The following KYAT1 variants were observed in gnomAD, a reference collection of about 807,000 sequenced individuals.
The protein encoded by KYAT1 is kynurenine--oxoglutarate transaminase 1.
A neutral mutation model predicts 52.4 loss-of-function variants in KYAT1; 47 were observed. That is an observed-to-expected ratio of 0.90 (90% CI 0.71 to 1.14). KYAT1 has a LOEUF of 1.14. Among genes scored for constraint, KYAT1 ranks in the 50% most tolerant of loss-of-function variants. The pLI is 0.00. For missense variants in KYAT1, 480 were observed against 557.9 expected, an observed-to-expected ratio of 0.86 and a Z score of 1.41; for synonymous variants, 212 against 209.6, an observed-to-expected ratio of 1.01 and a Z score of -0.10.
rs1830444492 is a variant in KYAT1 at position 128,833,360 on chromosome 9, G to C, written c.*224C>G. On this transcript the variant is annotated 3_prime_UTR_variant, in exon 13 of 13. Coordinates refer to ENST00000302586, the MANE Select transcript of KYAT1 (RefSeq NM_004059.5). Reference sequence around the variant, plus strand: ...ACAAACCCACCTATGGAGGGGCAGGGAGAGGCCCAGGTCAGGCCACCCTCA... The same window carrying C: ...ACAAACCCACCTATGGAGGGGCAGGCAGAGGCCCAGGTCAGGCCACCCTCA... 1 of 610,270 alleles carries C rather than the reference G, an allele frequency of 1.6e-6. No homozygotes were observed. The highest frequency in any genetic ancestry group is 2.9e-6 in the Non-Finnish European group (1 of 344,484). The allele number at this position is 610,270 out of a possible 1,614,324, so 37.8% of individuals were successfully genotyped here. A position where few individuals can be genotyped will look rare whatever the true frequency, so the allele number is the denominator to read the frequency against.
chr9:128,850,561 G>A (rs1401696014), intron 1 of KYAT1, among the ~76,000 whole-genome samples: 5 of 152,180 alleles, frequency 3.3e-5, no homozygotes, highest in African/African-American at 1.2e-4. Context: ...AGGGACCTCT[G>A]CCTTGGAAAG....
intron 1 of KYAT1, chr9:128,846,644 A>G: frequency 8.6e-7 from 1 of 1,165,800 alleles, no homozygotes; most frequent in Non-Finnish European, 1.2e-6. Flanking sequence ...GAAATTGGCC[A>G]GACCTGAGAG....
rs112411059 is a variant in KYAT1 at position 128,858,900 on chromosome 9, C to T, written c.-6-13489G>A. On this transcript the variant is annotated intron_variant, in intron 1 of 12. Transcript: ENST00000302586. Reference sequence around the variant, plus strand: ...GCTCATACCTGTAATCCCAGCTACTCGGGAGGCTGAGGCAAGGGAATTGCT... The same window carrying T: ...GCTCATACCTGTAATCCCAGCTACTTGGGAGGCTGAGGCAAGGGAATTGCT... 1.8e-4 allele frequency among the ~76,000 whole-genome samples: 26 copies of T among 147,738 alleles called. No homozygotes were observed. In the South Asian group the frequency reaches 2.6e-3, roughly 15 times the overall value.
intron 1 of KYAT1, among the ~76,000 whole-genome samples, chr9:128,845,995 T>C (rs1833030697): frequency 6.6e-6 from 1 of 152,238 alleles, no homozygotes; most frequent in African/African-American, 2.4e-5. Flanking sequence ...CTTAGGCCTG[T>C]TGGACCCAAG....
At chr9:128,879,062 G>A (rs1274645155) in intron 1 of KYAT1, among the ~76,000 whole-genome samples, 2 of 152,236 alleles carry the variant, frequency 1.3e-5, no homozygotes, top group East Asian at 3.8e-4. Context: ...TGTAATCCCA[G>A]CACTTTGGGA....
intron 1 of KYAT1, among the ~76,000 whole-genome samples, chr9:128,865,921 A>T (rs1386337117): frequency 6.6e-6 from 1 of 152,210 alleles, no homozygotes; most frequent in East Asian, 1.9e-4. Context: ...GGCACAGAGC[A>T]GCTGCTCAAT....
At chr9:128,880,444 G>T (rs901219722) in intron 1 of KYAT1, among the ~76,000 whole-genome samples, 1 of 149,022 alleles carries the variant, frequency 6.7e-6, no homozygotes, top group Non-Finnish European at 1.5e-5. Flanking sequence ...TCCTGGCTAT[G>T]ATTTTTTTTT....
chr9:128,872,128 CAAA>C (rs766267199), intron 1 of KYAT1, among the ~76,000 whole-genome samples: 9 of 57,230 alleles, frequency 1.6e-4, no homozygotes, highest in Non-Finnish European at 1.4e-4. Flanking sequence ...AACTCTGTCT[CAAA>C]AAAAAAAAAA....
intron 1 of KYAT1, chr9:128,846,820 GC>G: frequency 6.5e-7 from 1 of 1,535,594 alleles, no homozygotes; most frequent in Admixed American, 2.0e-5. Context: ...TGGCTGGTGG[GC>G]CGTGGAGCTG....
chr9:128,859,144 C>T (rs548023636), intron 1 of KYAT1, among the ~76,000 whole-genome samples: 14 of 152,134 alleles, frequency 9.2e-5, no homozygotes, highest in African/African-American at 3.4e-4. Context: ...AGGCGGATCA[C>T]GAGGTCAGGA....
chr9:128,868,614 A>G (rs1025749256), intron 1 of KYAT1, among the ~76,000 whole-genome samples: 1 of 151,566 alleles, frequency 6.6e-6, no homozygotes, highest in Non-Finnish European at 1.5e-5. Flanking sequence ...ACGGCTCACT[A>G]CAGCCTTGTT....
chr9:128,854,811 C>T (rs76491787), intron 1 of KYAT1, among the ~76,000 whole-genome samples: 8 of 152,102 alleles, frequency 5.3e-5, no homozygotes, highest in East Asian at 3.9e-4. Context: ...CAGATGACCG[C>T]GGCCCTGCCC....
chr9:128,871,042 C>T (rs953781361), intron 1 of KYAT1, among the ~76,000 whole-genome samples: 4 of 151,970 alleles, frequency 2.6e-5, no homozygotes, highest in African/African-American at 4.8e-5. Context: ...ACAGGCTGGC[C>T]GCGGTGACTC....
chr9:128,834,851 A>AG (rs1440738147), intron 11 of KYAT1, among the ~76,000 whole-genome samples: 1 of 139,926 alleles, frequency 7.1e-6, no homozygotes, highest in Admixed American at 7.2e-5. Context: ...AAAAAAAAAA[A>AG]AAAGGCCAGG....
chr9:128,847,589 A>G lies in KYAT1; in HGVS notation c.-6-2178T>C, dbSNP rs1833310146. On this transcript the variant is annotated intron_variant, in intron 1 of 12. Transcript: ENST00000302586. ...AGAGGCAGGGGAGAAGGGAGGAAACAGCCCTGGCCAGAAAATGCCTCCGAG... is the reference window on the plus strand; with the variant it reads ...AGAGGCAGGGGAGAAGGGAGGAAACGGCCCTGGCCAGAAAATGCCTCCGAG... The G allele has an allele frequency of 3.9e-5, 49 of 1,244,980 alleles. 1 individual carries two copies. The South Asian group carries it at 6.6e-4, about 17-fold the overall frequency. The allele number at this position is 1,244,980 out of a possible 1,614,324, so 77.1% of individuals were successfully genotyped here.
chr9:128,844,021 T>C (rs1445272501), intron 2 of KYAT1, among the ~76,000 whole-genome samples: 1 of 152,024 alleles, frequency 6.6e-6, no homozygotes, highest in Admixed American at 6.6e-5. Flanking sequence ...TCAAGCAAAG[T>C]TTGATGCTCT....
chr9:128,856,385 G>GA (rs922010448), intron 1 of KYAT1, among the ~76,000 whole-genome samples: 5 of 152,142 alleles, frequency 3.3e-5, no homozygotes, highest in Non-Finnish European at 7.3e-5. Flanking sequence ...CAGCTCCAGA[G>GA]AGACAGCAAC....
intron 1 of KYAT1, among the ~76,000 whole-genome samples, chr9:128,852,452 C>T (rs1834076561): frequency 6.6e-6 from 1 of 152,236 alleles, no homozygotes; most frequent in Non-Finnish European, 1.5e-5. Context: ...AACTATTTGT[C>T]AGACTTTTGT....
intron 1 of KYAT1, among the ~76,000 whole-genome samples, chr9:128,874,786 G>C (rs756628504): frequency 6.7e-6 from 1 of 148,536 alleles, no homozygotes; most frequent in African/African-American, 2.5e-5. Context: ...GTGCAGTGGC[G>C]TGATCTCGGC....
Sources: gnomAD v4.1 joint callset for allele counts (sites outside exome capture counted in the v4.1 genomes callset) on GRCh38, gnomAD v4.1.1 for gene constraint, MANE v1.5 for transcripts, NCBI Gene and HGNC (gene_info 2026-07-23, HGNC 2026-07-21) for gene names.